The following SELP variants were observed in gnomAD, a reference collection of about 807,000 sequenced individuals.
The protein encoded by SELP is selectin P.
In SELP, 92 loss-of-function variants were observed where a neutral mutation model predicts 104.1. The observed-to-expected ratio is 0.88, with a 90% CI of 0.75 to 1.05. The LOEUF is 1.05. Among genes scored for constraint, SELP ranks in the 50% least tolerant of loss-of-function variants. The pLI is 0.00. For missense variants in SELP, 1,022 were observed against 1,017.3 expected, an observed-to-expected ratio of 1.00 and a Z score of -0.06; for synonymous variants, 397 against 364.5, an observed-to-expected ratio of 1.09 and a Z score of -1.01.
rs142491196 is a variant in SELP at position 169,592,204 on chromosome 1, A to G, written c.2408-748T>C. Among the ~76,000 whole-genome samples, 159 of 152,290 alleles carry G rather than the reference A, an allele frequency of 1.0e-3. 2 individuals carry two copies. In the East Asian group the frequency reaches 0.015, roughly 14 times the overall value. On this transcript the variant is annotated intron_variant, in intron 14 of 16. Transcript: ENST00000263686. ...AGGGATTCACTGTAGCTCTCAGTAC[A>G]TCTCTTTGGTATTGAAGCAGAGTAT... is the stretch of plus-strand genomic sequence containing the variant.
chr1:169,598,529 A>G (rs1661742167), intron 10 of SELP, among the ~76,000 whole-genome samples: 1 of 152,248 alleles, frequency 6.6e-6, no homozygotes, highest in Non-Finnish European at 1.5e-5. Flanking sequence ...ATTTCAGTTC[A>G]GTACTCTCAA....
rs35101476 is a variant in SELP at position 169,613,059 on chromosome 1, G to A, written c.645C>T (p.His215=). ...LPQHVLMNCS[H]PLGNFSFNSQ... ...AGTTAAAAGAGAAGTTTCCCAGAGG[G>A]TGGCTGCAGTTCATGAGCACGTGTT... The change falls in exon 5 of 17, where the codon CAC becomes CAT. Residue 215 remains histidine, a synonymous_variant. Transcript: ENST00000263686. 2 of 1,613,530 alleles carry A rather than the reference G, an allele frequency of 1.2e-6. No individual in the cohort carries two copies. Among genetic ancestry groups the A allele is most frequent in the African/African-American group, 2.7e-5 (2 of 74,904 alleles).
In SELP at chr1:169,611,565, G is replaced by T. The variant is rs1662534337; in HGVS notation, c.1074C>A (p.Tyr358Ter). 1 of 1,614,020 alleles carries T rather than the reference G, an allele frequency of 6.2e-7. No individual in the cohort carries two copies. The highest frequency in any genetic ancestry group is 8.5e-7 in the Non-Finnish European group (1 of 1,180,024). Reference protein sequence around the residue: ...SSCKFECQPGYRVRGLDMLRC... With the variant: ...SSCKFECQPG The stretch of plus-strand genomic sequence containing the variant: ...GGAGCATGTCCAAGCCCCTCACTCT[G>T]TAGCCGGGCTGGCACTCAAATTTAC... The change falls in exon 7 of 17, where the codon TAC (tyrosine) becomes TAA (stop). Residue 358 changes from tyrosine (Y) to a stop codon, truncating the protein, a stop_gained. Transcript: ENST00000263686. LOFTEE classifies it high-confidence loss of function.
In SELP at chr1:169,617,491, A is replaced by G. The variant is rs1028724034; in HGVS notation, c.95-77T>C. On this transcript the variant is annotated intron_variant, in intron 2 of 16. Transcript: ENST00000263686. The stretch of plus-strand genomic sequence containing the variant: ...GCCGTGATCCCAAGTATGCTTCTGC[A>G]TACTCAGATGAATTTCCGACCAGAA... The G allele has an allele frequency of 1.9e-5, 27 of 1,436,910 alleles. No homozygotes were observed. In the African/African-American group the frequency reaches 3.0e-4, roughly 16 times the overall value. 89.0% of individuals were successfully genotyped at this position (1,436,910 alleles called of 1,614,324 possible). A position where few individuals can be genotyped will look rare whatever the true frequency, so the allele number is the denominator to read the frequency against.
At chr1:169,618,278 T>C (rs1662923884) in intron 2 of SELP, among the ~76,000 whole-genome samples, 1 of 152,198 alleles carries the variant, frequency 6.6e-6, no homozygotes, top group Non-Finnish European at 1.5e-5. Context: ...TCTGCAATCT[T>C]ATAGTCTTTC....
rs972070669 is a variant in SELP at position 169,612,517 on chromosome 1, G to T, written c.776-115C>A. The T allele has an allele frequency of 4.0e-5, 36 of 901,482 alleles. No homozygotes were observed. The Admixed American group carries it at 8.0e-4, about 20-fold the overall frequency. 55.8% of individuals were successfully genotyped at this position (901,482 alleles called of 1,614,324 possible). A position where few individuals can be genotyped will look rare whatever the true frequency, so the allele number is the denominator to read the frequency against. On this transcript the variant is annotated intron_variant, in intron 5 of 16. Transcript: ENST00000263686. The stretch of plus-strand genomic sequence containing the variant: ...TTCCCAAAGTGGCAGGCAGGTTGAT[G>T]CACTAGAATGGTTAAATGGTGTTTT...
In SELP at chr1:169,619,238, ACTTT is replaced by A. The variant is rs1187753615; in HGVS notation, c.4-23_4-20del. 1 of 1,597,104 alleles carries A rather than the reference ACTTT, an allele frequency of 6.3e-7. No individual in the cohort carries two copies. Among genetic ancestry groups the A allele is most frequent in the Non-Finnish European group, 8.6e-7 (1 of 1,165,012 alleles). ...AGTTGGCCTGAAACAAGAAGAGAAAACTTTCTTTTAGTATCCATACACCACCAAC... is the reference window on the plus strand; with the variant it reads ...AGTTGGCCTGAAACAAGAAGAGAAAACTTTTAGTATCCATACACCACCAAC... On this transcript the variant is annotated intron_variant, in intron 1 of 16. Transcript: ENST00000263686.
At chr1:169,617,939 G>C (rs1282460405) in intron 2 of SELP, among the ~76,000 whole-genome samples, 1 of 152,064 alleles carries the variant, frequency 6.6e-6, no homozygotes, top group Non-Finnish European at 1.5e-5. Flanking sequence ...CCACAATCCT[G>C]GCTGTCCTCT....
At chr1:169,603,828 A>G (rs544760893) in intron 9 of SELP, among the ~76,000 whole-genome samples, 1 of 152,206 alleles carries the variant, frequency 6.6e-6, no homozygotes, top group South Asian at 2.1e-4. Flanking sequence ...TATGTGCCAC[A>G]TTTTCTTAAT....
At chr1:169,613,425 C>G (rs1449630798) in intron 4 of SELP, among the ~76,000 whole-genome samples, 161 bp downstream of exon 4, 1 of 152,076 alleles carries the variant, frequency 6.6e-6, no homozygotes, top group Admixed American at 6.5e-5. Context: ...AATGTTTTTA[C>G]CTAGAGTGTG....
intron 1 of SELP, among the ~76,000 whole-genome samples, chr1:169,624,578 G>A (rs953705066): frequency 3.9e-4 from 59 of 152,042 alleles, no homozygotes; most frequent in African/African-American, 1.3e-3. Flanking sequence ...GTAAAACCTC[G>A]TCTCTACTAA....
intron 10 of SELP, 125 bp from the exon 11 acceptor site, chr1:169,597,301 T>TA: frequency 1.2e-6 from 1 of 824,214 alleles, no homozygotes; most frequent in South Asian, 2.4e-5. Flanking sequence ...GGTATTTTGC[T>TA]AGGCAGCAGC....
chr1:169,611,757 T>C, intron 6 of SELP, 80 bp from the exon 7 acceptor site: 1 of 1,389,498 alleles, frequency 7.2e-7, no homozygotes, highest in Admixed American at 2.0e-5. Context: ...TGGAACCACC[T>C]CTGAAATGCA....
intron 10 of SELP, among the ~76,000 whole-genome samples, chr1:169,602,108 C>G (rs896892026): frequency 6.6e-6 from 1 of 152,040 alleles, no homozygotes; most frequent in Non-Finnish European, 1.5e-5. Context: ...CACTAAATTA[C>G]CAAAGCTTGT....
At chr1:169,600,007 C>G (rs1661819559) in intron 10 of SELP, among the ~76,000 whole-genome samples, 3 of 152,162 alleles carry the variant, frequency 2.0e-5, no homozygotes, top group Non-Finnish European at 4.4e-5. Context: ...AGTGGTCCAA[C>G]AGGCAGGGAC....
At position 169,595,957 on chromosome 1, in the gene SELP, C is replaced by T. The variant is rs756277455; in HGVS notation, c.2069G>A (p.Gly690Glu). 2.5e-6 allele frequency: 4 copies of T among 1,613,690 alleles called. No homozygotes were observed. Among genetic ancestry groups the T allele is most frequent in the African/African-American group, 2.7e-5 (2 of 74,870 alleles). The stretch of plus-strand genomic sequence containing the variant: ...TGCTGGAGTTACTGCTGTCCATTGT[C>T]CTGAAGGTCTGCAGCTGAGAGTGCT... ...GDSTLSCRPS[G>E]QWTAVTPACR... is the part of the protein sequence containing the mutation. The change falls in exon 12 of 17, where the codon GGA becomes GAA. Residue 690 changes from glycine to glutamate, a missense_variant. Transcript: ENST00000263686.
chr1:169,606,467 C>A (rs1190445919), intron 9 of SELP, among the ~76,000 whole-genome samples: 2 of 152,218 alleles, frequency 1.3e-5, no homozygotes, highest in Non-Finnish European at 2.9e-5. Flanking sequence ...GTCTATTTCT[C>A]CAATTTTATA....
At chr1:169,606,887 C>G in intron 9 of SELP, 62 bp downstream of exon 9, 1 of 1,486,610 alleles carries the variant, frequency 6.7e-7, no homozygotes, top group Non-Finnish European at 9.3e-7. Context: ...CCTCTAAAAT[C>G]CAGCCTTTAA....
chr1:169,611,695 G>A lies in SELP; in HGVS notation c.962-18C>T, dbSNP rs200175892. The A allele has an allele frequency of 1.6e-4, 263 of 1,608,484 alleles. No homozygotes were observed. In the East Asian group the frequency reaches 4.1e-3, roughly 25 times the overall value. On this transcript the variant is annotated intron_variant, in intron 6 of 16. Transcript: ENST00000263686. Reference sequence around the variant, plus strand: ...CTGCACAGCTGGAGAGAATAACCAAGGATAAAGAGAAAGATACTGAGAAAG... The same window carrying A: ...CTGCACAGCTGGAGAGAATAACCAAAGATAAAGAGAAAGATACTGAGAAAG...
Sources: gnomAD v4.1 joint callset for allele counts (sites outside exome capture counted in the v4.1 genomes callset) on GRCh38, gnomAD v4.1.1 for gene constraint, MANE v1.5 for transcripts, NCBI Gene and HGNC (gene_info 2026-07-23, HGNC 2026-07-21) for gene names.